The following CELF2 variants were observed in gnomAD, a reference collection of about 807,000 sequenced individuals.
CELF2 encodes CUG triplet repeat RNA-binding protein 2.
In CELF2, 8 loss-of-function variants were observed where a neutral mutation model predicts 62.6. The observed-to-expected ratio is 0.13, with a 90% confidence interval of 0.07 to 0.23. The LOEUF is 0.23. Ranked by LOEUF, CELF2 falls within the 10% of genes least tolerant of loss-of-function variation. The pLI is 1.00. For synonymous variants in CELF2, 258 were observed against 250.0 expected, an observed-to-expected ratio of 1.03 and a Z score of -0.30; for missense variants, 333 against 671.0, an observed-to-expected ratio of 0.50 and a Z score of 5.56.
At chr10:10,968,932 C>A (rs1347486733) in intron 2 of CELF2, among the ~76,000 whole-genome samples, 1 of 152,066 alleles carries the variant, frequency 6.6e-6, no homozygotes, top group African/African-American at 2.4e-5. Flanking sequence ...GAATAACAGG[C>A]CTTTTTTTCT....
Position 11,207,161 on chromosome 10 carries a change from A to G in CELF2, c.272-10264A>G, listed in dbSNP as rs993486910. Among the ~76,000 whole-genome samples the G allele has an allele frequency of 5.9e-5, 9 of 152,356 alleles. No individual in the cohort carries two copies. Among genetic ancestry groups the G allele is most frequent in the Non-Finnish European group, 1.0e-4 (7 of 68,028 alleles). On this transcript the variant is annotated intron_variant, in intron 2 of 12. Transcript: ENST00000633077. The surrounding 1 kb of genome is among the most constrained non-coding windows in gnomAD (Gnocchi z 4.1). ...GAATTTACATAATCATGGGTGAGGA[A>G]GTGTTACAGTATACACATAGCTGTG... is the stretch of plus-strand genomic sequence containing the variant.
the CELF2 span, among the ~76,000 whole-genome samples, chr10:10,634,798 A>G: frequency 6.6e-6 from 1 of 151,784 alleles, no homozygotes; most frequent in African/African-American, 2.4e-5. Context: ...AGTAGCTGGG[A>G]CTACAGGCAT....
chr10:11,049,725 CT>C (rs1188295100), intron 1 of CELF2, among the ~76,000 whole-genome samples: 2 of 152,076 alleles, frequency 1.3e-5, no homozygotes, highest in African/African-American at 4.8e-5. Context: ...TGCCTGCCTC[CT>C]TGTAGTGGTT....
chr10:11,051,014 C>T (rs1383704826), intron 1 of CELF2, among the ~76,000 whole-genome samples: 1 of 152,150 alleles, frequency 6.6e-6, no homozygotes, highest in Non-Finnish European at 1.5e-5. Context: ...CGCCTATTTT[C>T]CAAGACCAGT....
At chr10:11,069,402 C>G (rs188330817) in intron 1 of CELF2, among the ~76,000 whole-genome samples, 1 of 152,114 alleles carries the variant, frequency 6.6e-6, no homozygotes, top group Non-Finnish European at 1.5e-5. Flanking sequence ...GAAGATATCC[C>G]AGATGAATTT....
intron 3 of CELF2, among the ~76,000 whole-genome samples, chr10:11,238,686 G>A (rs562549696): frequency 5.9e-5 from 9 of 152,088 alleles, no homozygotes; most frequent in Non-Finnish European, 8.8e-5. Flanking sequence ...GTTAAAAAAC[G>A]GCATCAGTTT....
rs2065205548 is a variant in CELF2 at position 11,159,422 on chromosome 10, A to G, written c.75-6064A>G. ...TGACTGTGAAGCAGTGCATTTTAAA[A>G]GGGAGTTGCAATTCCCAGAGCTCTG... is the stretch of plus-strand genomic sequence containing the variant. On this transcript the variant is annotated intron_variant, in intron 1 of 12. Coordinates refer to ENST00000633077, the MANE Select transcript of CELF2 (RefSeq NM_001326342.2). The surrounding 1 kb of genome is among the most constrained non-coding windows in gnomAD (Gnocchi z 5.0). 6.6e-6 allele frequency among the ~76,000 whole-genome samples: 1 copy of G among 152,214 alleles called. No homozygotes were observed. Among genetic ancestry groups the G allele is most frequent in the Non-Finnish European group, 1.5e-5 (1 of 68,030 alleles).
At chr10:11,018,241 C>A in intron 1 of CELF2, 78 bp downstream of exon 1, 1 of 1,277,522 alleles carries the variant, frequency 7.8e-7, no homozygotes. Flanking sequence ...GGACGGGCGT[C>A]GCCCGCAGCT....
intron 1 of CELF2, among the ~76,000 whole-genome samples, chr10:11,150,970 A>G (rs1269019222): frequency 3.3e-5 from 5 of 152,234 alleles, no homozygotes; most frequent in African/African-American, 1.2e-4. Flanking sequence ...TTTGGCTTAA[A>G]TATTCAACTC....
intron 1 of CELF2, among the ~76,000 whole-genome samples, chr10:10,853,226 C>T (rs2059496563): frequency 6.6e-6 from 1 of 152,164 alleles, no homozygotes; most frequent in Non-Finnish European, 1.5e-5. Flanking sequence ...GGCAATCTGC[C>T]CACCTTGGCC....
rs1014883060 is a variant in CELF2, at chr10:11,321,797, T to C, written c.1294+411T>C. On this transcript the variant is annotated intron_variant, in intron 11 of 12. Transcript: ENST00000633077. The surrounding 1 kb of genome is among the most constrained non-coding windows in gnomAD (Gnocchi z 6.2). ...TCGATCTCTTCAGATGAAGTTCTTG[T>C]CCATTGTATATTTATATACCACTCT... Among the ~76,000 whole-genome samples the C allele has an allele frequency of 6.6e-6, 1 of 152,226 alleles. No homozygotes were observed. Among genetic ancestry groups the C allele is most frequent in the African/African-American group, 2.4e-5 (1 of 41,450 alleles).
the CELF2 span, among the ~76,000 whole-genome samples, chr10:10,703,692 G>A: frequency 2.6e-5 from 4 of 152,314 alleles, no homozygotes; most frequent in Admixed American, 2.0e-4. Flanking sequence ...AGGAGGAGAA[G>A]AGAATATAAA....
the CELF2 span, among the ~76,000 whole-genome samples, chr10:10,546,658 T>C: frequency 6.6e-6 from 1 of 152,132 alleles, no homozygotes; most frequent in Non-Finnish European, 1.5e-5. Context: ...GCACAATACT[T>C]TAGAATGGGT....
At chr10:11,126,768 T>C (rs1624723) in intron 1 of CELF2, among the ~76,000 whole-genome samples, 40,168 of 152,066 alleles carry the variant, frequency 0.26, 6,395 homozygotes, top group East Asian at 0.76. Flanking sequence ...ATTTTATATT[T>C]CCTACTCCCT....
In CELF2 at chr10:11,275,128, A is replaced by G; in HGVS notation, c.841+8A>G. 6.2e-7 allele frequency: 1 copy of G among 1,614,110 alleles called. No homozygotes were observed. The highest frequency in any genetic ancestry group is 8.5e-7 in the Non-Finnish European group (1 of 1,179,936). ...GCATTCAACAAATGGCAGGTAAGTC[A>G]GGAAGCACGCCTCTCCTTTTGACCG... is the stretch of plus-strand genomic sequence containing the variant. On this transcript the variant is annotated splice_region_variant and intron_variant, in intron 8 of 12. Transcript: ENST00000633077.
chr10:11,278,466 G>C (rs1043923043), intron 8 of CELF2, among the ~76,000 whole-genome samples: 3 of 152,200 alleles, frequency 2.0e-5, no homozygotes, highest in African/African-American at 7.2e-5. Context: ...AGAAATCTCA[G>C]AAACTTGGGG....
At chr10:10,823,979 T>C (rs957775551) in intron 1 of CELF2, among the ~76,000 whole-genome samples, 2 of 151,986 alleles carry the variant, frequency 1.3e-5, no homozygotes, top group Admixed American at 6.6e-5. Context: ...GATAGATAGA[T>C]AGATAGATAC....
chr10:11,177,421 TAAAAA>T lies in CELF2; in HGVS notation c.271+11749_271+11753del, dbSNP rs58453098. Among the ~76,000 whole-genome samples the T allele has an allele frequency of 7.1e-6, 1 of 140,966 alleles. No individual in the cohort carries two copies. The highest frequency in any genetic ancestry group is 1.6e-5 in the Non-Finnish European group (1 of 64,036). The allele number at this position is 140,966 out of a possible 152,430, so 92.5% of individuals were successfully genotyped here. On this transcript the variant is annotated intron_variant, in intron 2 of 12. Coordinates refer to ENST00000633077, the MANE Select transcript of CELF2 (RefSeq NM_001326342.2). This position sits in a 1 kb window ranked among gnomAD's most constrained non-coding sequence, Gnocchi z 4.8. ...TTGGCTTATGTTTGCATGTGTGAAT[TAAAAA>T]AAAAAAAAAGAGAAAATTAGGTTAT...
chr10:10,910,731 A>G (rs1056291493), intron 1 of CELF2, among the ~76,000 whole-genome samples: 2 of 151,690 alleles, frequency 1.3e-5, no homozygotes, highest in African/African-American at 4.8e-5. Context: ...AAAAGAAAAG[A>G]AAAAGAAACA....
Sources: allele counts gnomAD v4.1 joint callset (sites outside exome capture counted in the v4.1 genomes callset), GRCh38; gene constraint gnomAD v4.1.1; non-coding constraint Gnocchi (gnomAD v3.1); transcripts MANE v1.5; gene names NCBI Gene and HGNC (gene_info 2026-07-23, HGNC 2026-07-21).